Variants in ARMC8 observed in about 807,000 individuals in gnomAD.
ARMC8 encodes the protein armadillo repeat containing 8, also known as armadillo repeat-containing protein 8.
Under a neutral mutation model 99.3 loss-of-function variants are expected in ARMC8, and 20 were observed. The ratio of observed to expected loss-of-function variants is 0.20; its 90% CI spans 0.14 to 0.29. The LOEUF is 0.29. Among genes scored for constraint, ARMC8 ranks in the 10% least tolerant of loss-of-function variants. The pLI is 1.00. For missense variants in ARMC8, 569 were observed against 809.5 expected (o/e 0.70, Z 3.60); for synonymous variants, 263 against 278.3 (o/e 0.95, Z 0.55).
chr3:138,268,673 G>A (rs896042968), intron 15 of ARMC8, among the ~76,000 whole-genome samples: 16 of 152,082 alleles, frequency 1.1e-4, no homozygotes, highest in African/African-American at 3.9e-4. Flanking sequence ...CTACTCGAGA[G>A]GCCGAGGCAG....
At chr3:138,212,216 T>G (rs1472127013) in intron 2 of ARMC8, among the ~76,000 whole-genome samples, 1 of 152,184 alleles carries the variant, frequency 6.6e-6, no homozygotes, top group Non-Finnish European at 1.5e-5. Context: ...TCTGACTTCT[T>G]TCTTAAACTT....
intron 12 of ARMC8, among the ~76,000 whole-genome samples, chr3:138,254,507 G>T (rs1017899218): frequency 6.6e-6 from 1 of 152,212 alleles, no homozygotes; most frequent in South Asian, 2.1e-4. Flanking sequence ...CAAACAGGAG[G>T]AGACAGATGG....
At chr3:138,264,239 A>G (rs906851940) in intron 14 of ARMC8, 27 bp downstream of exon 14, 2 of 1,586,434 alleles carry the variant, frequency 1.3e-6, no homozygotes, top group African/African-American at 1.3e-5. Context: ...AGCCAGTAAC[A>G]GCTGTACTCA....
At chr3:138,194,644 A>T (rs1469524912) in intron 1 of ARMC8, among the ~76,000 whole-genome samples, 44 of 144,602 alleles carry the variant, frequency 3.0e-4, no homozygotes, top group South Asian at 1.5e-3. Context: ...AGCTGTCATT[A>T]TTTTTTTTTT....
Position 138,239,378 on chromosome 3 carries a change from G to T in ARMC8, c.777-90G>T, listed in dbSNP as rs557383588. ...AGATAAGTGATATTATTTGGTTTTC[G>T]ATTTTTTAATAAAATCTTAAAGGCA... On this transcript the variant is annotated intron_variant, in intron 9 of 21. Coordinates refer to ENST00000469044, the MANE Select transcript of ARMC8 (RefSeq NM_001363941.2). The T allele has an allele frequency of 9.4e-4, 949 of 1,013,464 alleles. 2 individuals are homozygous for T. The highest frequency in any genetic ancestry group is 1.7e-3 in the South Asian group (109 of 62,606). The allele number at this position is 1,013,464 out of a possible 1,614,324, so 62.8% of individuals were successfully genotyped here. A position where few individuals can be genotyped will look rare whatever the true frequency, so the allele number is the denominator to read the frequency against.
chr3:138,272,851 G>A (rs2048923379), intron 16 of ARMC8, 116 bp from the exon 17 acceptor site: 12 of 945,716 alleles, frequency 1.3e-5, no homozygotes, highest in East Asian at 3.1e-5. Context: ...CAGCCTGGGC[G>A]ACAGAGCAAG....
At chr3:138,240,116 C>G (rs1330001564) in intron 10 of ARMC8, among the ~76,000 whole-genome samples, 1 of 152,088 alleles carries the variant, frequency 6.6e-6, no homozygotes, top group African/African-American at 2.4e-5. Flanking sequence ...CTTTTGATGC[C>G]TCGGACTCCA....
intron 2 of ARMC8, among the ~76,000 whole-genome samples, chr3:138,214,293 G>A (rs1472808271): frequency 2.6e-5 from 4 of 151,876 alleles, no homozygotes; most frequent in Non-Finnish European, 5.9e-5. Flanking sequence ...TAGAAAGCTT[G>A]ACTAGACCTC....
At chr3:138,195,500 T>C (rs1469575757) in intron 1 of ARMC8, among the ~76,000 whole-genome samples, 2 of 152,172 alleles carry the variant, frequency 1.3e-5, no homozygotes, top group Non-Finnish European at 2.9e-5. Context: ...CACATTTATG[T>C]AGGGTCTTCA....
chr3:138,272,935 C>A (rs969074553), intron 16 of ARMC8, 32 bp from the exon 17 acceptor site: 55 of 1,466,762 alleles, frequency 3.7e-5, no homozygotes, highest in Non-Finnish European at 4.4e-5. Context: ...TAAATGTAGA[C>A]ATGATTCTTG....
chr3:138,258,991 C>G (rs2047534527), intron 12 of ARMC8, among the ~76,000 whole-genome samples: 1 of 152,184 alleles, frequency 6.6e-6, no homozygotes, highest in South Asian at 2.1e-4. Flanking sequence ...ATTTGCTGAG[C>G]TATGGCCGAG....
At chr3:138,230,467 A>G (rs1422062820) in intron 6 of ARMC8, among the ~76,000 whole-genome samples, 1 of 152,116 alleles carries the variant, frequency 6.6e-6, no homozygotes, top group Non-Finnish European at 1.5e-5. Context: ...TCTGGGCAAC[A>G]TGGCGAAACC....
chr3:138,262,693 A>C, intron 12 of ARMC8: 1 of 1,156,378 alleles, frequency 8.6e-7, no homozygotes, highest in Non-Finnish European at 1.1e-6. Flanking sequence ...TAAAAAAAAA[A>C]ATCTCCCCAG....
At chr3:138,214,344 T>G (rs930666078) in intron 2 of ARMC8, among the ~76,000 whole-genome samples, 2 of 151,840 alleles carry the variant, frequency 1.3e-5, no homozygotes, top group African/African-American at 4.9e-5. Flanking sequence ...TGCAGAATCA[T>G]GTGATTTTTT....
At chr3:138,194,977 A>G (rs931834332) in intron 1 of ARMC8, among the ~76,000 whole-genome samples, 1 of 152,154 alleles carries the variant, frequency 6.6e-6, no homozygotes, top group African/African-American at 2.4e-5. Flanking sequence ...GTCCTAAAAT[A>G]AATTCATCAG....
chr3:138,210,485 AT>A (rs1163227447), intron 2 of ARMC8, among the ~76,000 whole-genome samples: 1 of 152,140 alleles, frequency 6.6e-6, no homozygotes, highest in Non-Finnish European at 1.5e-5. Flanking sequence ...AAGATTTCAG[AT>A]TTATTCCCTT....
chr3:138,198,534 C>A (rs1171631851), intron 1 of ARMC8, among the ~76,000 whole-genome samples: 6 of 151,114 alleles, frequency 4.0e-5, no homozygotes, highest in Non-Finnish European at 5.9e-5. Context: ...TTTTTTGAGA[C>A]AGATTCTCAC....
chr3:138,279,080 T>C (rs1177687401), intron 18 of ARMC8, among the ~76,000 whole-genome samples: 4 of 152,220 alleles, frequency 2.6e-5, no homozygotes, highest in Non-Finnish European at 5.9e-5. Flanking sequence ...GATGAACATA[T>C]TTGTTTTGTT....
At chr3:138,276,669 G>T (rs1267988824) in intron 18 of ARMC8, among the ~76,000 whole-genome samples, 1 of 152,138 alleles carries the variant, frequency 6.6e-6, no homozygotes, top group Non-Finnish European at 1.5e-5. Flanking sequence ...AGTACCATTT[G>T]CAGTAACTTA....
Sources: gnomAD v4.1 joint callset for allele counts (sites outside exome capture counted in the v4.1 genomes callset) on GRCh38, gnomAD v4.1.1 for gene constraint, MANE v1.5 for transcripts, NCBI Gene and HGNC (gene_info 2026-07-23, HGNC 2026-07-21) for gene names.